Variants in BSG observed in about 807,000 individuals in gnomAD.
The protein encoded by BSG is basigin.
In BSG, 37 loss-of-function variants were observed where a neutral mutation model predicts 43.1. That is an observed-to-expected ratio of 0.86 (90% CI 0.66 to 1.13). The LOEUF is 1.13. Ranked by LOEUF, BSG falls within the 50% of genes most tolerant of loss-of-function variation. BSG has a pLI of 0.00. For missense variants in BSG, 599 were observed against 554.2 expected (o/e 1.08, Z -0.81); for synonymous variants, 309 against 238.7 (o/e 1.29, Z -2.72).
intron 7 of BSG, 27 bp from the exon 8 acceptor site, chr19:582,487 C>T (rs1213057434): frequency 5.0e-6 from 8 of 1,605,432 alleles, no homozygotes; most frequent in African/African-American, 2.7e-5. Context: ...CGGGGGACAC[C>T]CTCTCACCCG....
At chr19:573,267 G>C (rs1330964188) in intron 1 of BSG, among the ~76,000 whole-genome samples, 1 of 152,194 alleles carries the variant, frequency 6.6e-6, no homozygotes, top group Non-Finnish European at 1.5e-5. Context: ...AAAGCGGCCT[G>C]GGCGTGGAAT....
rs538765295 is a variant in BSG at position 580,626 on chromosome 19, C to G, written c.656-20C>G. The stretch of plus-strand genomic sequence containing the variant: ...GGCGGGCCTGCGGTTCCAGGCTCCT[C>G]TCTCTCACCCTCCTGTCAGGGCCTC... On this transcript the variant is annotated intron_variant, in intron 4 of 8. Coordinates refer to ENST00000333511, the MANE Select transcript of BSG (RefSeq NM_001728.4). The G allele has an allele frequency of 3.7e-6, 6 of 1,612,366 alleles. No homozygotes were observed. The highest frequency in any genetic ancestry group is 5.1e-6 in the Non-Finnish European group (6 of 1,179,756).
Position 579,518 on chromosome 19 carries a change from C to A in BSG, c.434C>A (p.Thr145Asn). 5 of 1,612,708 alleles carry A rather than the reference C, an allele frequency of 3.1e-6. No homozygotes were observed. Among genetic ancestry groups the A allele is most frequent in the Non-Finnish European group, 4.2e-6 (5 of 1,179,924 alleles). Residue 145 changes from threonine (T) to asparagine (N), a missense_variant, in exon 3 of 9, where the codon ACC (threonine) becomes AAC (asparagine). Thr to Asn is a moderately conservative substitution (Grantham distance 65). Transcript: ENST00000333511. Reference sequence around the variant, plus strand: ...CTTGCAGCCGGCACAGTCTTCACTACCGTAGAAGACCTTGGCTCCAAGATA... The same window carrying A: ...CTTGCAGCCGGCACAGTCTTCACTAACGTAGAAGACCTTGGCTCCAAGATA... ...LVLEPGTVFT[T>N]VEDLGSKILL...
chr19:579,474 T>C lies in BSG; in HGVS notation c.416-26T>C, dbSNP rs374222272. 31 of 1,611,460 alleles carry C rather than the reference T, an allele frequency of 1.9e-5. No individual in the cohort carries two copies. In the African/African-American group the frequency reaches 3.1e-4, roughly 16 times the overall value. On this transcript the variant is annotated intron_variant, in intron 2 of 8. Transcript: ENST00000333511. The stretch of plus-strand genomic sequence containing the variant: ...CGCGGGCCGTGCTCCTCCACTCTGC[T>C]GACCGCGTCTCGCCGGGCCTTGCAG...
intron 1 of BSG, among the ~76,000 whole-genome samples, chr19:574,562 CAAAA>C (rs886576277): frequency 6.2e-5 from 9 of 146,068 alleles, no homozygotes; most frequent in African/African-American, 2.3e-4. Flanking sequence ...CAAAAAAAAA[CAAAA>C]AAAAAATTTA....
In BSG at chr19:578,041, A is replaced by G. The variant is rs1308734755; in HGVS notation, c.335A>G (p.Asn112Ser). 1.2e-6 allele frequency: 2 copies of G among 1,611,480 alleles called. No homozygotes were observed. The highest frequency in any genetic ancestry group is 2.2e-5 in the East Asian group (1 of 44,842). The change falls in exon 2 of 9, where the codon AAC becomes AGC. Residue 112 changes from asparagine (N) to serine (S), a missense_variant. Coordinates refer to ENST00000333511, the MANE Select transcript of BSG (RefSeq NM_001728.4). ...GGCACTTACGAGTGCCGGGCCAGCA[A>G]CGACCCGGATCGCAACCACCTGACC... Reference protein sequence around the residue: ...DTGTYECRASNDPDRNHLTRA... With the variant: ...DTGTYECRASSDPDRNHLTRA...
In BSG at chr19:577,972, C is replaced by T. The variant is rs747818511; in HGVS notation, c.266C>T (p.Ala89Val). ...ATCCACGCCACCTACCACCAGCACG[C>T]GGCCAGCACCATCTCCATCGACACG... The part of the protein sequence containing the change: ...VHIHATYHQH[A>V]ASTISIDTLV... Residue 89 changes from alanine (A) to valine (V), a missense_variant, in exon 2 of 9, where the codon GCG becomes GTG. By Grantham distance (64) the Ala-to-Val change is moderately conservative. Coordinates refer to ENST00000333511, the MANE Select transcript of BSG (RefSeq NM_001728.4). 22 of 1,612,050 alleles carry T rather than the reference C, an allele frequency of 1.4e-5. No individual in the cohort carries two copies. Among genetic ancestry groups the T allele is most frequent in the South Asian group, 3.3e-5 (3 of 90,926 alleles).
intron 1 of BSG, 110 bp downstream of exon 1, chr19:572,811 G>T (rs28915407): frequency 0.026 from 31,590 of 1,238,772 alleles, 489 homozygotes; most frequent in Non-Finnish European, 0.028. Context: ...GGGGCGGCCT[G>T]GGGTGCGAAA....
At position 581,466 on chromosome 19, in the gene BSG, C is replaced by T. The variant is rs772032105; in HGVS notation, c.944C>T (p.Thr315Met). Residue 315 changes from threonine to methionine, a missense_variant, in exon 6 of 9, where the codon ACG (threonine) becomes ATG (methionine). Coordinates refer to ENST00000333511, the MANE Select transcript of BSG (RefSeq NM_001728.4). ...AAGGGCTCCGACCAGGCCATCATCA[C>T]GCTCCGCGTGCGCAGCCACCTGGCC... ...SSKGSDQAII[T>M]LRVRSHLAAL... is the part of the protein sequence containing the mutation. The T allele has an allele frequency of 9.9e-6, 16 of 1,610,310 alleles. No individual in the cohort carries two copies. Among genetic ancestry groups the T allele is most frequent in the African/African-American group, 4.0e-5 (3 of 74,880 alleles).
Position 580,691 on chromosome 19 carries a change from A to AG in BSG, c.706dup (p.Glu236GlyfsTer17). 1 of 1,612,828 alleles carries AG rather than the reference A, an allele frequency of 6.2e-7. No homozygotes were observed. The highest frequency in any genetic ancestry group is 8.5e-7 in the Non-Finnish European group (1 of 1,179,954). ...GTGAAGTCGTCAGAACACATCAACG[A>AG]GGGGGAGACGGCCATGCTGGTCTGC... On this transcript the variant is annotated frameshift_variant, in exon 5 of 9. Transcript: ENST00000333511. LOFTEE classifies it high-confidence loss of function.
chr19:576,766 G>A (rs1243600501), intron 1 of BSG, among the ~76,000 whole-genome samples: 1 of 146,780 alleles, frequency 6.8e-6, no homozygotes, highest in Non-Finnish European at 1.5e-5. Flanking sequence ...AAAAAAAGAA[G>A]AAGAGGAGAA....
chr19:577,814 G>T lies in BSG; in HGVS notation c.108G>T (p.Val36=). 6.8e-7 allele frequency: 1 copy of T among 1,464,050 alleles called. No homozygotes were observed. The highest frequency in any genetic ancestry group is 9.1e-7 in the Non-Finnish European group (1 of 1,100,178). The allele number at this position is 1,464,050 out of a possible 1,614,324, so 90.7% of individuals were successfully genotyped here. A position where few individuals can be genotyped will look rare whatever the true frequency, so the allele number is the denominator to read the frequency against. The part of the protein sequence containing the change: ...VQAPLSQQRW[V]GGSVELHCEA... ...CGCCGCTGTCCCAGCAGAGGTGGGT[G>T]GGGGGCAGTGTGGAGCTGCACTGCG... Residue 36 remains valine (V), a synonymous_variant, in exon 2 of 9, where the codon GTG becomes GTT. Coordinates refer to ENST00000333511, the MANE Select transcript of BSG (RefSeq NM_001728.4).
chr19:581,128 G>A (rs1600497458), intron 5 of BSG, among the ~76,000 whole-genome samples, 187 bp from the exon 6 acceptor site: 1 of 93,360 alleles, frequency 1.1e-5, no homozygotes. Context: ...ACTGGGTGAG[G>A]GGCCTAGACT....
In BSG at chr19:582,747, C is replaced by T. The variant is rs1982444609; in HGVS notation, c.*6-3C>T. On this transcript the variant is annotated splice_region_variant and splice_polypyrimidine_tract_variant and intron_variant, in intron 8 of 8. Transcript: ENST00000333511. ...CAGTCTGAGCGCCCCTCCCTGTCCA[C>T]AGGTGGCCCGAGGACGCTCCCTGCT... 5 of 729,916 alleles carry T rather than the reference C, an allele frequency of 6.9e-6. No individual in the cohort carries two copies. Among genetic ancestry groups the T allele is most frequent in the South Asian group, 3.6e-5 (2 of 54,826 alleles). The allele number at this position is 729,916 out of a possible 1,614,324, so 45.2% of individuals were successfully genotyped here.
intron 2 of BSG, chr19:578,819 C>G (rs1982013989): frequency 5.7e-6 from 2 of 350,744 alleles, no homozygotes; most frequent in Non-Finnish European, 1.1e-5. Flanking sequence ...CAACTTCCGC[C>G]TCCCGGGTTC....
At chr19:572,987 C>T (rs1036304515) in intron 1 of BSG, among the ~76,000 whole-genome samples, 2 of 152,044 alleles carry the variant, frequency 1.3e-5, no homozygotes, top group African/African-American at 4.8e-5. Flanking sequence ...TGCTTGGAGG[C>T]GGGAGCCAGG....
chr19:572,804 GCGGCC>G, intron 1 of BSG, 103 bp downstream of exon 1: 1 of 1,250,164 alleles, frequency 8.0e-7, no homozygotes, highest in Non-Finnish European at 1.0e-6. Flanking sequence ...TCGGCGCGGG[GCGGCC>G]TGGGGTGCGA....
rs765981796 is a variant in BSG at position 580,416 on chromosome 19, G to T, written c.610G>T (p.Val204Phe). The change falls in exon 4 of 9, where the codon GTC (valine) becomes TTC (phenylalanine). Residue 204 changes from valine to phenylalanine, a missense_variant. Coordinates refer to ENST00000333511, the MANE Select transcript of BSG (RefSeq NM_001728.4). ...CGACCAGTGGGGAGAGTACTCCTGC[G>T]TCTTCCTCCCCGAGCCCATGGGCAC... ...SDDQWGEYSC[V>F]FLPEPMGTAN... The T allele has an allele frequency of 1.9e-6, 3 of 1,611,348 alleles. No individual in the cohort carries two copies. The highest frequency in any genetic ancestry group is 2.7e-5 in the African/African-American group (2 of 75,032).
intron 3 of BSG, 111 bp downstream of exon 3, chr19:579,767 C>A (rs775410436): frequency 8.9e-6 from 13 of 1,455,364 alleles, no homozygotes; most frequent in Non-Finnish European, 1.2e-5. Context: ...TTGATCCAGG[C>A]GGAAGTTAGG....
Sources: gnomAD v4.1 joint callset for allele counts (sites outside exome capture counted in the v4.1 genomes callset) on GRCh38, gnomAD v4.1.1 for gene constraint, MANE v1.5 for transcripts, NCBI Gene and HGNC (gene_info 2026-07-23, HGNC 2026-07-21) for gene names.